PEAK1: variants seen among roughly 807,000 people sequenced by gnomAD.
The protein encoded by PEAK1 is inactive tyrosine-protein kinase PEAK1.
A neutral mutation model predicts 124.7 loss-of-function variants in PEAK1; 54 were observed. The observed-to-expected ratio is 0.43, with a 90% confidence interval of 0.35 to 0.54. The LOEUF is 0.54. Ranked by LOEUF, PEAK1 falls within the 20% of genes least tolerant of loss-of-function variation. The pLI is 0.01. For synonymous variants in PEAK1, 719 were observed against 760.0 expected (o/e 0.95, Z 0.89); for missense variants, 2,046 against 2,134.5 (o/e 0.96, Z 0.82).
intron 5 of PEAK1, among the ~76,000 whole-genome samples, chr15:77,273,354 T>C (rs1379305367): frequency 6.6e-6 from 1 of 152,136 alleles, no homozygotes; most frequent in Non-Finnish European, 1.5e-5. Context: ...CATAATCATA[T>C]ACCTAGAAAA....
At chr15:77,230,204 TC>T (rs1272642956) in intron 6 of PEAK1, among the ~76,000 whole-genome samples, 9 of 83,666 alleles carry the variant, frequency 1.1e-4, no homozygotes, top group African/African-American at 3.1e-4. Flanking sequence ...TTGAGATAAG[TC>T]TTTTTTTTTT....
At chr15:77,402,300 T>C in intron 1 of PEAK1, 1 of 984,888 alleles carries the variant, frequency 1.0e-6, no homozygotes. Context: ...AAAATGCATA[T>C]CTAGACATCG....
chr15:77,256,947 A>T (rs1233611906), intron 5 of PEAK1, among the ~76,000 whole-genome samples: 1 of 149,626 alleles, frequency 6.7e-6, no homozygotes, highest in African/African-American at 2.5e-5. Context: ...TCATTTTTCA[A>T]TTCCCACCTA....
In PEAK1 at chr15:77,122,443, G is replaced by T. The variant is rs143114495; in HGVS notation, c.4078-7124C>A. 1.7e-3 allele frequency among the ~76,000 whole-genome samples: 255 copies of T among 152,292 alleles called. 6 individuals carry two copies. In the East Asian group the frequency reaches 0.043, roughly 26 times the overall value. ...AGGCTGACAGAATGATGCCCAGGAT[G>T]TTCACACTAGAGAAACTGAGGCACA... On this transcript the variant is annotated intron_variant, in intron 9 of 9. Coordinates refer to ENST00000682557, the MANE Select transcript of PEAK1 (RefSeq NM_001385026.1).
intron 2 of PEAK1, among the ~76,000 whole-genome samples, chr15:77,306,759 A>G (rs2064129814): frequency 6.6e-6 from 1 of 152,124 alleles, no homozygotes; most frequent in South Asian, 2.1e-4. Flanking sequence ...TGCTTTTCCC[A>G]TCAATTTTAC....
chr15:77,141,697 T>C (rs1317015464), intron 8 of PEAK1, among the ~76,000 whole-genome samples: 1 of 152,122 alleles, frequency 6.6e-6, no homozygotes, highest in African/African-American at 2.4e-5. Context: ...GAATGAAATA[T>C]ATTTGAGAGC....
At chr15:77,330,678 C>T (rs2065840177) in intron 2 of PEAK1, among the ~76,000 whole-genome samples, 1 of 152,178 alleles carries the variant, frequency 6.6e-6, no homozygotes, top group Non-Finnish European at 1.5e-5. Context: ...TCCTCCCTAA[C>T]TTTCTTCAGG....
chr15:77,348,829 T>TG (rs2067032158), intron 2 of PEAK1: 1 of 486,620 alleles, frequency 2.1e-6, no homozygotes, highest in African/African-American at 2.4e-5. Flanking sequence ...GGGGGTAGAG[T>TG]GGGGGTCTAA....
intron 1 of PEAK1, chr15:77,403,375 T>C: frequency 1.1e-6 from 1 of 922,768 alleles, no homozygotes; most frequent in Non-Finnish European, 1.3e-6. Context: ...AGCCAAGATA[T>C]AATGAATAAA....
chr15:77,417,772 A>T, intron 1 of PEAK1: 1 of 985,446 alleles, frequency 1.0e-6, no homozygotes, highest in Non-Finnish European at 1.2e-6. Flanking sequence ...GCAAATGCTA[A>T]TCTCATGATG....
intron 9 of PEAK1, among the ~76,000 whole-genome samples, chr15:77,120,219 T>C (rs1054915529): frequency 1.4e-4 from 22 of 152,212 alleles, no homozygotes; most frequent in African/African-American, 4.1e-4. Flanking sequence ...ACAAACTCTC[T>C]TCCGCAAGCT....
chr15:77,395,212 A>G (rs1019568486), intron 1 of PEAK1, among the ~76,000 whole-genome samples: 1 of 151,828 alleles, frequency 6.6e-6, no homozygotes, highest in Non-Finnish European at 1.5e-5. Context: ...AGAAAGAGTC[A>G]GTAAGCTTGA....
chr15:77,360,135 T>A (rs1356119147), intron 2 of PEAK1, among the ~76,000 whole-genome samples: 1 of 152,198 alleles, frequency 6.6e-6, no homozygotes, highest in Non-Finnish European at 1.5e-5. Context: ...CAATTTGTTT[T>A]CTTTAAGGGT....
intron 2 of PEAK1, chr15:77,349,921 G>A (rs2067104902): frequency 1.0e-6 from 1 of 984,400 alleles, no homozygotes; most frequent in Admixed American, 6.2e-5. Flanking sequence ...ATGTTTCTGA[G>A]TGTCACGAAG....
intron 6 of PEAK1, among the ~76,000 whole-genome samples, chr15:77,217,222 C>CAAAA (rs34034344): frequency 1.5e-5 from 1 of 68,332 alleles, no homozygotes; most frequent in Non-Finnish European, 2.6e-5. Flanking sequence ...GACTCTGTCT[C>CAAAA]AAAAAAAAAA....
At chr15:77,129,885 G>A (rs976897130) in intron 9 of PEAK1, among the ~76,000 whole-genome samples, 1 of 152,126 alleles carries the variant, frequency 6.6e-6, no homozygotes, top group Non-Finnish European at 1.5e-5. Context: ...GTTTGTGTGG[G>A]CCAACTGTTA....
chr15:77,246,632 A>T (rs1453761323), intron 6 of PEAK1, among the ~76,000 whole-genome samples: 4 of 152,190 alleles, frequency 2.6e-5, no homozygotes, highest in Non-Finnish European at 5.9e-5. Context: ...CAGATGTTGC[A>T]CATTTAAAAA....
intron 8 of PEAK1, among the ~76,000 whole-genome samples, chr15:77,150,666 C>A: frequency 8.2e-6 from 1 of 121,764 alleles, no homozygotes; most frequent in Non-Finnish European, 1.7e-5. Context: ...TCCCCCCTCC[C>A]CCCACCCCAC....
intron 2 of PEAK1, among the ~76,000 whole-genome samples, chr15:77,321,506 T>A (rs1438459520): frequency 2.0e-5 from 3 of 152,226 alleles, no homozygotes; most frequent in Admixed American, 2.0e-4. Flanking sequence ...TTGATGGAGA[T>A]GTTTTTTTCC....
Sources: allele counts gnomAD v4.1 joint callset (sites outside exome capture counted in the v4.1 genomes callset), GRCh38; gene constraint gnomAD v4.1.1; transcripts MANE v1.5; gene names NCBI Gene and HGNC (gene_info 2026-07-23, HGNC 2026-07-21).